CDH11: variants seen among roughly 807,000 people sequenced by gnomAD.
The protein encoded by CDH11 is cadherin-11.
CDH11 carries 11 observed loss-of-function variants against 67.8 expected under a neutral mutation model. That is an observed-to-expected ratio of 0.16 (90% confidence interval 0.10 to 0.27). CDH11 has a LOEUF of 0.27. CDH11 is among the 10% of genes least tolerant of loss of function. CDH11 has a pLI of 1.00. For synonymous variants in CDH11, 419 were observed against 400.0 expected (o/e 1.05, Z -0.57); for missense variants, 847 against 1,031.2 (o/e 0.82, Z 2.45).
rs1409509768 is a variant in CDH11, at chr16:65,117,914, C to G, written c.-298+3966G>C. 5.3e-5 allele frequency among the ~76,000 whole-genome samples: 8 copies of G among 152,192 alleles called. No individual in the cohort carries two copies. The East Asian group carries it at 1.5e-3, about 29-fold the overall frequency. On this transcript the variant is annotated intron_variant, in intron 1 of 12. Transcript: ENST00000268603. The stretch of plus-strand genomic sequence containing the variant: ...CCCCACCCCGGCTGCTGCTCAATGT[C>G]AAGTTACAGGATTTCCCAACTTTCT...
chr16:65,038,416 C>T (rs551398439), intron 2 of CDH11, among the ~76,000 whole-genome samples: 14 of 152,140 alleles, frequency 9.2e-5, no homozygotes, highest in Non-Finnish European at 1.9e-4. Flanking sequence ...CCATTATTTA[C>T]ACCAGTAAGC....
chr16:64,977,305 T>C (rs1290439411), intron 8 of CDH11, among the ~76,000 whole-genome samples: 1 of 152,222 alleles, frequency 6.6e-6, no homozygotes, highest in African/African-American at 2.4e-5. Context: ...AAGTGTGGTA[T>C]TGAGCATCCT....
intron 1 of CDH11, among the ~76,000 whole-genome samples, chr16:65,065,684 C>A (rs1452392715): frequency 6.6e-6 from 1 of 152,162 alleles, no homozygotes; most frequent in Admixed American, 6.5e-5. Context: ...CACTGGCCCA[C>A]AGAGGTGAAG....
At chr16:65,017,738 T>C (rs257490) in intron 2 of CDH11, among the ~76,000 whole-genome samples, 37,871 of 152,066 alleles carry the variant, frequency 0.25, 5,810 homozygotes, top group Middle Eastern at 0.36. Flanking sequence ...TAGATCTGTA[T>C]GTTACCTATT....
intron 11 of CDH11, among the ~76,000 whole-genome samples, chr16:64,953,291 T>C (rs552894387): frequency 5.8e-5 from 8 of 137,768 alleles, no homozygotes; most frequent in South Asian, 2.2e-4. Flanking sequence ...TGTATGTATA[T>C]ACACACACAT....
At chr16:65,024,810 C>G (rs777782966) in intron 2 of CDH11, among the ~76,000 whole-genome samples, 1 of 152,184 alleles carries the variant, frequency 6.6e-6, no homozygotes, top group Non-Finnish European at 1.5e-5. Context: ...ATGAGTGGCT[C>G]TCCAGACAAG....
chr16:64,972,955 C>G lies in CDH11; in HGVS notation c.1339G>C (p.Asp447His). The G allele has an allele frequency of 6.2e-7, 1 of 1,613,580 alleles. No individual in the cohort carries two copies. Among genetic ancestry groups the G allele is most frequent in the South Asian group, 1.1e-5 (1 of 91,062 alleles). ...DGFIKTTKPL[D>H]REETAWLNIT... is the part of the protein sequence containing the mutation. ...TTGAGCCAGGCTGTTTCCTCTCTAT[C>G]CAGAGGTTTTGTAGTTTTAATAAAA... is the stretch of plus-strand genomic sequence containing the variant. The change falls in exon 9 of 13, where the codon GAT becomes CAT. Residue 447 changes from aspartate to histidine, a missense_variant. Physicochemically the swap from Asp to His is moderately conservative, Grantham distance 81 (BLOSUM62 -1). Around this residue, in one of 2 missense-constraint regions of CDH11, gnomAD observed 612 missense variants for 678.7 expected, o/e 0.90. Transcript: ENST00000268603.
intron 1 of CDH11, among the ~76,000 whole-genome samples, chr16:65,113,068 A>C (rs529654227): frequency 1.3e-3 from 193 of 152,278 alleles, no homozygotes; most frequent in African/African-American, 4.5e-3. Flanking sequence ...CGGGCAGATC[A>C]TAAGGTCAGA....
intron 1 of CDH11, among the ~76,000 whole-genome samples, chr16:65,076,573 G>T (rs2074513053): frequency 6.6e-6 from 1 of 152,078 alleles, no homozygotes; most frequent in Admixed American, 6.6e-5. Flanking sequence ...TACACGTGCA[G>T]AACATGCAGG....
intron 2 of CDH11, among the ~76,000 whole-genome samples, chr16:65,020,945 G>C (rs2073411190): frequency 6.6e-6 from 1 of 151,970 alleles, no homozygotes; most frequent in Non-Finnish European, 1.5e-5. Context: ...AGCAGGCACA[G>C]TTGGAAGGCA....
intron 1 of CDH11, among the ~76,000 whole-genome samples, chr16:65,112,454 T>C (rs950634635): frequency 1.7e-4 from 26 of 152,332 alleles, no homozygotes; most frequent in African/African-American, 6.0e-4. Context: ...AATTTAATGC[T>C]TCCTTTGGGG....
intron 6 of CDH11, among the ~76,000 whole-genome samples, chr16:64,989,503 T>C (rs763094873): frequency 3.9e-5 from 6 of 152,094 alleles, no homozygotes; most frequent in Non-Finnish European, 8.8e-5. Flanking sequence ...ATCTGCAGGA[T>C]AAAAACTACC....
chr16:65,035,081 C>T (rs371615450), intron 2 of CDH11, among the ~76,000 whole-genome samples: 123 of 152,286 alleles, frequency 8.1e-4, no homozygotes, highest in African/African-American at 2.9e-3. Context: ...GCTGCACGGG[C>T]AGTGACGTTG....
intron 2 of CDH11, among the ~76,000 whole-genome samples, chr16:65,051,666 G>A (rs1473899266): frequency 6.6e-6 from 1 of 152,152 alleles, no homozygotes; most frequent in Non-Finnish European, 1.5e-5. Context: ...GAGGTGATTG[G>A]ATCACGAGGG....
intron 1 of CDH11, among the ~76,000 whole-genome samples, chr16:65,066,227 C>T (rs1482244144): frequency 1.3e-5 from 2 of 152,208 alleles, no homozygotes; most frequent in African/African-American, 4.8e-5. Context: ...TTTTCACAAA[C>T]TTATCCTTGT....
Position 64,945,935 on chromosome 16 carries a change from T to G in CDH11, c.*1668A>C. The G allele has an allele frequency of 9.4e-7, 1 of 1,058,770 alleles. No individual in the cohort carries two copies. The highest frequency in any genetic ancestry group is 1.1e-6 in the Non-Finnish European group (1 of 875,236). 65.6% of individuals were successfully genotyped at this position (1,058,770 alleles called of 1,614,324 possible). On this transcript the variant is annotated 3_prime_UTR_variant, in exon 13 of 13. Coordinates refer to ENST00000268603, the MANE Select transcript of CDH11 (RefSeq NM_001797.4). ...AGGGAAAGCACTTGCAGTGTGACTTTATGTGGTCTTTCCCCAAGTATTGCT... is the reference window on the plus strand; with the variant it reads ...AGGGAAAGCACTTGCAGTGTGACTTGATGTGGTCTTTCCCCAAGTATTGCT...
At chr16:64,961,041 C>A in intron 11 of CDH11, among the ~76,000 whole-genome samples, 1 of 152,090 alleles carries the variant, frequency 6.6e-6, no homozygotes, top group East Asian at 1.9e-4. Context: ...TCCCTGACAT[C>A]AGATTTATAT....
intron 1 of CDH11, among the ~76,000 whole-genome samples, chr16:65,087,456 T>C (rs1056367455): frequency 6.6e-5 from 10 of 152,188 alleles, no homozygotes; most frequent in Admixed American, 5.2e-4. Context: ...AAGTACTAGG[T>C]GGACTCTAAT....
intron 2 of CDH11, among the ~76,000 whole-genome samples, chr16:65,005,399 C>T (rs573089790): frequency 1.6e-4 from 24 of 152,146 alleles, no homozygotes; most frequent in Admixed American, 3.9e-4. Flanking sequence ...AACATATAAT[C>T]CACACTGGGG....
Sources: gnomAD v4.1 joint callset for allele counts (sites outside exome capture counted in the v4.1 genomes callset) on GRCh38, gnomAD v4.1.1 for gene constraint, gnomAD v4.1.1 regional missense constraint, MANE v1.5 for transcripts, NCBI Gene and HGNC (gene_info 2026-07-23, HGNC 2026-07-21) for gene names.